Variants in PLAC1 observed in about 807,000 individuals in gnomAD.
PLAC1 encodes placenta associated 1, also known as placenta-specific protein 1.
For missense variants in PLAC1, 136 were observed against 163.2 expected (o/e 0.83, Z 0.91); for synonymous variants, 68 against 62.1 (o/e 1.09, Z -0.44).
chrX:134,719,764 T>C (rs909804327), intron 2 of PLAC1, among the ~76,000 whole-genome samples: 2 of 111,653 alleles, frequency 1.8e-5, no homozygotes, highest in African/African-American at 6.5e-5. Flanking sequence ...CCCTCCAGCC[T>C]GCATGACAGA....
intron 2 of PLAC1, among the ~76,000 whole-genome samples, chrX:134,732,534 C>A (rs1009994734): frequency 9.0e-6 from 1 of 110,817 alleles, no homozygotes; most frequent in East Asian, 2.8e-4. Flanking sequence ...ATGCTTACCC[C>A]ATTTTTTAAC....
intron 1 of PLAC1, among the ~76,000 whole-genome samples, chrX:134,607,812 G>C (rs1326467458): frequency 9.0e-6 from 1 of 111,011 alleles, no homozygotes; most frequent in Non-Finnish European, 1.9e-5. Context: ...CAGCCTCCGG[G>C]AGGTGAGAGC....
At chrX:134,621,747 A>T (rs574167950) in intron 1 of PLAC1, among the ~76,000 whole-genome samples, 2 of 112,135 alleles carry the variant, frequency 1.8e-5, no homozygotes, top group African/African-American at 6.5e-5. Context: ...ACTCTTTTCC[A>T]GCCAACAGTC....
chrX:134,612,594 A>G (rs2078159209), intron 1 of PLAC1, among the ~76,000 whole-genome samples: 2 of 111,911 alleles, frequency 1.8e-5, no homozygotes, highest in South Asian at 7.5e-4. Flanking sequence ...ATGTTTGTAT[A>G]TAAGGAAATA....
intron 2 of PLAC1, among the ~76,000 whole-genome samples, chrX:134,730,685 G>A (rs1234672714): frequency 9.0e-6 from 1 of 111,274 alleles, no homozygotes; most frequent in South Asian, 3.9e-4. Context: ...CTGGGCTCAG[G>A]CAATCCTCCT....
At chrX:134,676,259 T>C (rs1394564931) in intron 2 of PLAC1, among the ~76,000 whole-genome samples, 1 of 111,384 alleles carries the variant, frequency 9.0e-6, no homozygotes, top group Non-Finnish European at 1.9e-5. Flanking sequence ...CCCCTGGTTC[T>C]CTCAGTGGGG....
intron 1 of PLAC1, among the ~76,000 whole-genome samples, chrX:134,739,894 G>A (rs1367224100): frequency 8.9e-6 from 1 of 112,183 alleles, no homozygotes; most frequent in Non-Finnish European, 1.9e-5. Context: ...CCACCCCTGG[G>A]TATACCCAAT....
intron 2 of PLAC1, among the ~76,000 whole-genome samples, chrX:134,579,147 C>A (rs1195678780): frequency 9.1e-6 from 1 of 110,343 alleles, no homozygotes; most frequent in Non-Finnish European, 1.9e-5. Flanking sequence ...TCTAGAGATT[C>A]CCCAGCCCTA....
intron 2 of PLAC1, among the ~76,000 whole-genome samples, chrX:134,591,372 A>G (rs1247663647): frequency 1.8e-5 from 2 of 112,486 alleles, no homozygotes; most frequent in Non-Finnish European, 3.8e-5. Flanking sequence ...TCTTTTGCCA[A>G]TTTGTCTTTT....
intron 1 of PLAC1, among the ~76,000 whole-genome samples, chrX:134,756,009 G>A (rs1333576916): frequency 9.4e-6 from 1 of 106,908 alleles, no homozygotes; most frequent in Non-Finnish European, 1.9e-5. Context: ...CCACCACCAC[G>A]CCCGGCTAAT....
At chrX:134,604,738 G>A (rs1311161211) in intron 1 of PLAC1, among the ~76,000 whole-genome samples, 1 of 111,158 alleles carries the variant, frequency 9.0e-6, no homozygotes, top group Non-Finnish European at 1.9e-5. Flanking sequence ...GGGGCCTGCA[G>A]GCTCACTTGC....
chrX:134,581,440 T>TC (rs910504184), intron 2 of PLAC1, among the ~76,000 whole-genome samples: 3 of 105,251 alleles, frequency 2.9e-5, no homozygotes, highest in Non-Finnish European at 1.9e-5. Context: ...TGAGTTTATT[T>TC]CCCCCCAATA....
chrX:134,602,871 T>G, intron 1 of PLAC1, among the ~76,000 whole-genome samples: 1 of 109,868 alleles, frequency 9.1e-6, no homozygotes, highest in Non-Finnish European at 1.9e-5. Flanking sequence ...TATATCATGA[T>G]TGTGGTGGCA....
intron 2 of PLAC1, among the ~76,000 whole-genome samples, chrX:134,669,542 G>A (rs1323460676): frequency 8.9e-6 from 1 of 112,414 alleles, no homozygotes; most frequent in African/African-American, 3.2e-5. Context: ...GGAGCACAGA[G>A]GAGAAGGCCA....
chrX:134,567,762 A>G (rs1348540321), intron 2 of PLAC1, among the ~76,000 whole-genome samples: 1 of 86,788 alleles, frequency 1.2e-5, no homozygotes, highest in Non-Finnish European at 2.1e-5. Context: ...ACTCTGTCTC[A>G]AAAAAAAAAA....
intron 1 of PLAC1, among the ~76,000 whole-genome samples, chrX:134,736,614 A>G (rs1195494664): frequency 8.9e-6 from 1 of 112,094 alleles, no homozygotes; most frequent in African/African-American, 3.2e-5. Context: ...TGGCAGTGCA[A>G]TACTCCAAAT....
chrX:134,675,871 G>C (rs1229372919), intron 2 of PLAC1, among the ~76,000 whole-genome samples: 1 of 111,223 alleles, frequency 9.0e-6, no homozygotes, highest in African/African-American at 3.3e-5. Context: ...TGTTCTGAGC[G>C]AGGCTAGAGT....
At chrX:134,570,737 A>T (rs1370656101) in intron 2 of PLAC1, among the ~76,000 whole-genome samples, 2 of 111,834 alleles carry the variant, frequency 1.8e-5, no homozygotes, top group African/African-American at 3.2e-5. Context: ...TGGATGCAAA[A>T]TGTTTGCTTT....
chrX:134,636,119 C>A (rs925044042), intron 1 of PLAC1, among the ~76,000 whole-genome samples: 1 of 110,303 alleles, frequency 9.1e-6, no homozygotes, highest in Non-Finnish European at 1.9e-5. Context: ...TTGTTCCTAC[C>A]CCAAATCCCA....
Sources: allele counts gnomAD v4.1 joint callset (sites outside exome capture counted in the v4.1 genomes callset), GRCh38; gene constraint gnomAD v4.1.1; transcripts MANE v1.5; gene names NCBI Gene and HGNC (gene_info 2026-07-23, HGNC 2026-07-21).